SCD5: variants seen among roughly 807,000 people sequenced by gnomAD.
SCD5 encodes the protein stearoyl-CoA desaturase 5.
In SCD5, 20 loss-of-function variants were observed where a neutral mutation model predicts 30.4. The observed-to-expected ratio is 0.66, with a 90% CI of 0.46 to 0.96. SCD5 has a LOEUF of 0.96. Among genes scored for constraint, SCD5 ranks in the 40% least tolerant of loss-of-function variants. The pLI, the probability that SCD5 is intolerant of heterozygous loss-of-function variation, is 0.00. For synonymous variants in SCD5, 173 were observed against 176.4 expected (o/e 0.98, Z 0.16); for missense variants, 381 against 443.3 (o/e 0.86, Z 1.26).
intron 1 of SCD5, among the ~76,000 whole-genome samples, chr4:82,737,317 AT>A (rs965962420): frequency 1.3e-5 from 2 of 151,644 alleles, no homozygotes; most frequent in African/African-American, 2.4e-5. Flanking sequence ...ACATGTTCAG[AT>A]TTTTTTTTGA....
chr4:82,769,892 T>A (rs897669407), intron 1 of SCD5, among the ~76,000 whole-genome samples: 2 of 152,114 alleles, frequency 1.3e-5, no homozygotes, highest in Non-Finnish European at 2.9e-5. Context: ...TCTTGCAACT[T>A]TTTTATAAGT....
intron 3 of SCD5, among the ~76,000 whole-genome samples, chr4:82,659,294 T>C (rs1050373747): frequency 2.0e-5 from 3 of 152,230 alleles, no homozygotes; most frequent in Admixed American, 6.5e-5. Flanking sequence ...TCTGGATTCA[T>C]TGATTTTTTG....
At chr4:82,723,077 CAAAA>C (rs59796077) in intron 1 of SCD5, among the ~76,000 whole-genome samples, 4 of 89,946 alleles carry the variant, frequency 4.4e-5, no homozygotes, top group African/African-American at 7.5e-5. Context: ...AACTCTGTCT[CAAAA>C]AAAAAAAAAA....
chr4:82,739,834 C>T (rs1443382816), intron 1 of SCD5, among the ~76,000 whole-genome samples: 2 of 152,176 alleles, frequency 1.3e-5, no homozygotes, highest in Admixed American at 6.5e-5. Flanking sequence ...AGGCATATAT[C>T]TGTTCTCTGA....
At chr4:82,715,427 C>T (rs1720205345) in intron 1 of SCD5, among the ~76,000 whole-genome samples, 1 of 151,332 alleles carries the variant, frequency 6.6e-6, no homozygotes, top group South Asian at 2.1e-4. Flanking sequence ...CGATGGGCTT[C>T]CTCTGGCTTC....
intron 1 of SCD5, among the ~76,000 whole-genome samples, chr4:82,743,291 C>T (rs1720916690): frequency 6.6e-6 from 1 of 152,094 alleles, no homozygotes; most frequent in African/African-American, 2.4e-5. Context: ...GGGAGGACTG[C>T]TTGAAGTCAG....
At chr4:82,714,788 T>C (rs1351347939) in intron 1 of SCD5, among the ~76,000 whole-genome samples, 1 of 152,148 alleles carries the variant, frequency 6.6e-6, no homozygotes, top group Non-Finnish European at 1.5e-5. Flanking sequence ...GAAGCAGGGA[T>C]GTTCAACCAG....
At chr4:82,679,281 AAG>A (rs1728514662) in intron 3 of SCD5, among the ~76,000 whole-genome samples, 1 of 120,432 alleles carries the variant, frequency 8.3e-6, no homozygotes, top group Admixed American at 9.4e-5. Flanking sequence ...AGAAAGAAAG[AAG>A]GAAGGAAAGA....
chr4:82,693,082 T>A (rs1236299560), intron 2 of SCD5, among the ~76,000 whole-genome samples: 3 of 152,152 alleles, frequency 2.0e-5, no homozygotes, highest in African/African-American at 7.2e-5. Flanking sequence ...GGTGGCCTCT[T>A]CTAACCAGTG....
intron 1 of SCD5, among the ~76,000 whole-genome samples, chr4:82,714,326 GTC>G (rs1481418669): frequency 6.6e-6 from 1 of 151,970 alleles, no homozygotes; most frequent in African/African-American, 2.4e-5. Context: ...TCAGGTTTTG[GTC>G]TTTCTCCCCT....
At chr4:82,641,051 T>C (rs945190569) in intron 3 of SCD5, among the ~76,000 whole-genome samples, 4 of 152,164 alleles carry the variant, frequency 2.6e-5, no homozygotes, top group Admixed American at 6.5e-5. Context: ...AATGCTGTGC[T>C]AATAAATGTA....
At chr4:82,739,632 G>T (rs1043061039) in intron 1 of SCD5, among the ~76,000 whole-genome samples, 1 of 152,226 alleles carries the variant, frequency 6.6e-6, no homozygotes. Flanking sequence ...CTATTGCCAT[G>T]TGTGTGCTGA....
chr4:82,754,402 G>A (rs72909652), intron 1 of SCD5, among the ~76,000 whole-genome samples: 8,068 of 151,646 alleles, frequency 0.053, 273 homozygotes, highest in East Asian at 0.13. Context: ...GAGAGAGGGA[G>A]GAGAAGTCCT....
intron 1 of SCD5, among the ~76,000 whole-genome samples, chr4:82,712,243 C>CATATATATATATAT (rs762732703): frequency 1.4e-4 from 4 of 28,832 alleles, no homozygotes; most frequent in Non-Finnish European, 3.6e-4. Context: ...GACCAACTAA[C>CATATATATATATAT]ATATATATAT....
intron 2 of SCD5, among the ~76,000 whole-genome samples, chr4:82,687,781 A>C (rs1214163171): frequency 6.6e-6 from 1 of 152,160 alleles, no homozygotes; most frequent in African/African-American, 2.4e-5. Flanking sequence ...AAGGTCATCA[A>C]TCTCAAGAGT....
intron 1 of SCD5, among the ~76,000 whole-genome samples, chr4:82,750,798 A>T (rs1252512608): frequency 6.6e-6 from 1 of 152,238 alleles, no homozygotes; most frequent in Non-Finnish European, 1.5e-5. Context: ...TCTCATGTTT[A>T]AGGCCAAAGT....
At position 82,631,072 on chromosome 4, in the gene SCD5, C is replaced by A; in HGVS notation, c.*255G>T. 3.2e-6 allele frequency: 1 copy of A among 315,094 alleles called. No homozygotes were observed. Among genetic ancestry groups the A allele is most frequent in the South Asian group, 5.8e-5 (1 of 17,378 alleles). 19.5% of individuals were successfully genotyped at this position (315,094 alleles called of 1,614,324 possible). A position where few individuals can be genotyped will look rare whatever the true frequency, so the allele number is the denominator to read the frequency against. On this transcript the variant is annotated 3_prime_UTR_variant, in exon 5 of 5. Transcript: ENST00000319540. ...GCTGCAGTGAGCCGAGACTGCGCCA[C>A]TGCACTCCAGCCTGGGTGACAGAGT...
intron 3 of SCD5, chr4:82,661,082 T>C (rs1560526883): frequency 3.7e-6 from 6 of 1,612,270 alleles, no homozygotes; most frequent in South Asian, 1.1e-5. Flanking sequence ...TGTGTACTGA[T>C]AAAAAATAAA....
intron 1 of SCD5, among the ~76,000 whole-genome samples, chr4:82,742,078 C>CAA (rs11366931): frequency 1.1e-5 from 1 of 92,398 alleles, no homozygotes; most frequent in Admixed American, 1.2e-4. Context: ...GAGTCCGTCT[C>CAA]AAAAAAAAAA....
Sources: allele counts gnomAD v4.1 joint callset (sites outside exome capture counted in the v4.1 genomes callset), GRCh38; gene constraint gnomAD v4.1.1; transcripts MANE v1.5; gene names NCBI Gene and HGNC (gene_info 2026-07-23, HGNC 2026-07-21).